The following SIAE variants were observed in gnomAD, a reference collection of about 807,000 sequenced individuals.
SIAE encodes sialic acid acetylesterase.
Under a neutral mutation model 52.6 loss-of-function variants are expected in SIAE, and 39 were observed. The ratio of observed to expected loss-of-function variants is 0.74; its 90% CI spans 0.57 to 0.97. SIAE has a LOEUF of 0.97. SIAE is among the 50% of genes least tolerant of loss of function. The pLI, the probability that SIAE is intolerant of heterozygous loss-of-function variation, is 0.00. For missense variants in SIAE, 592 were observed against 662.1 expected (o/e 0.89, Z 1.16); for synonymous variants, 233 against 241.4 (o/e 0.97, Z 0.32).
chr11:124,648,182 T>C lies in SIAE; in HGVS notation c.723-7A>G. ...AGAATCGTATGGAATGGACCTGAAA[T>C]CATATGATGCACAAGTGTCACCAGA... On this transcript the variant is annotated splice_region_variant and splice_polypyrimidine_tract_variant and intron_variant, in intron 5 of 9. Coordinates refer to ENST00000263593, the MANE Select transcript of SIAE (RefSeq NM_170601.5). 6.2e-7 allele frequency: 1 copy of C among 1,605,430 alleles called. No homozygotes were observed. Among genetic ancestry groups the C allele is most frequent in the Non-Finnish European group, 8.5e-7 (1 of 1,172,278 alleles).
At chr11:124,644,292 C>CA (rs1456862111) in intron 7 of SIAE, among the ~76,000 whole-genome samples, 1 of 146,492 alleles carries the variant, frequency 6.8e-6, no homozygotes, top group Non-Finnish European at 1.5e-5. Flanking sequence ...GAACCATGTG[C>CA]ACCAGCCAGG....
chr11:124,672,701 G>T (rs575527685), intron 1 of SIAE, among the ~76,000 whole-genome samples: 34 of 152,222 alleles, frequency 2.2e-4, no homozygotes, highest in Non-Finnish European at 4.1e-4. Context: ...TCAGGAAATG[G>T]CATACAGAGT....
intron 5 of SIAE, 69 bp downstream of exon 5, chr11:124,649,550 G>T: frequency 1.3e-6 from 2 of 1,547,522 alleles, no homozygotes; most frequent in Non-Finnish European, 1.8e-6. Context: ...TCCCCACAGA[G>T]GACGATGACC....
chr11:124,644,255 C>A lies in SIAE; in HGVS notation c.966+3110G>T, dbSNP rs564894636. Among the ~76,000 whole-genome samples the A allele has an allele frequency of 2.0e-5, 3 of 150,634 alleles. No individual in the cohort carries two copies. In the South Asian group the frequency reaches 6.4e-4, roughly 32 times the overall value. On this transcript the variant is annotated intron_variant, in intron 7 of 9. Coordinates refer to ENST00000263593, the MANE Select transcript of SIAE (RefSeq NM_170601.5). ...ATAAAAAATCTATTAAGTCACCCTA[C>A]TTCTTCCACACCCAGAAGACAAAGT... is the stretch of plus-strand genomic sequence containing the variant.
At chr11:124,637,613 A>C (rs77588928) in intron 9 of SIAE, among the ~76,000 whole-genome samples, 2,595 of 152,328 alleles carry the variant, frequency 0.017, 39 homozygotes, top group Middle Eastern at 0.041. Context: ...AGAATGAAGA[A>C]GGGGCATAAG....
rs758565892 is a variant in SIAE at position 124,673,625 on chromosome 11, G to T, written c.67+17C>A. Reference sequence around the variant, plus strand: ...CAGGCTGAGGGGCAGGGGTCCGGCCGAGCCGGGCCGCCTCACCTGCACTTC... The same window carrying T: ...CAGGCTGAGGGGCAGGGGTCCGGCCTAGCCGGGCCGCCTCACCTGCACTTC... On this transcript the variant is annotated intron_variant, in intron 1 of 9. Coordinates refer to ENST00000263593, the MANE Select transcript of SIAE (RefSeq NM_170601.5). 4 of 1,611,544 alleles carry T rather than the reference G, an allele frequency of 2.5e-6. No homozygotes were observed. Among genetic ancestry groups the T allele is most frequent in the Admixed American group, 1.7e-5 (1 of 59,900 alleles).
intron 1 of SIAE, among the ~76,000 whole-genome samples, chr11:124,673,136 G>A (rs1943394867): frequency 6.6e-6 from 1 of 152,088 alleles, no homozygotes; most frequent in Non-Finnish European, 1.5e-5. Flanking sequence ...GCTAGTGAGG[G>A]GGTTGTATTT....
chr11:124,672,879 T>C (rs867364728), intron 1 of SIAE, among the ~76,000 whole-genome samples: 12 of 152,200 alleles, frequency 7.9e-5, no homozygotes, highest in Admixed American at 6.5e-4. Flanking sequence ...GGTCCACTCT[T>C]TGAGTGTTTT....
intron 2 of SIAE, among the ~76,000 whole-genome samples, chr11:124,664,623 C>T (rs571275173): frequency 1.2e-4 from 19 of 152,222 alleles, no homozygotes; most frequent in African/African-American, 4.6e-4. Context: ...CTCTCCACCT[C>T]CCAATTAACT....
intron 4 of SIAE, among the ~76,000 whole-genome samples, chr11:124,650,296 C>T (rs1435181667): frequency 6.6e-6 from 1 of 152,106 alleles, no homozygotes; most frequent in African/African-American, 2.4e-5. Context: ...CAATGCTCTC[C>T]CTCAAATAGG....
At chr11:124,665,361 C>A (rs1243205947) in intron 2 of SIAE, among the ~76,000 whole-genome samples, 1 of 152,196 alleles carries the variant, frequency 6.6e-6, no homozygotes, top group Non-Finnish European at 1.5e-5. Flanking sequence ...AAGGTGAGCT[C>A]TTTCAAAGAA....
chr11:124,635,640 C>T lies in SIAE; in HGVS notation c.*1311G>A, dbSNP rs891958909. ...TATCTAAACCATATTTTTTACACTA[C>T]GTAAAATACATTGTATATGTACAGT... On this transcript the variant is annotated 3_prime_UTR_variant, in exon 10 of 10. Coordinates refer to ENST00000263593, the MANE Select transcript of SIAE (RefSeq NM_170601.5). The T allele has an allele frequency of 3.9e-5, 6 of 152,118 alleles. No individual in the cohort carries two copies. The highest frequency in any genetic ancestry group is 9.7e-5 in the African/African-American group (4 of 41,432). 9.4% of individuals were successfully genotyped at this position (152,118 alleles called of 1,614,324 possible). A position where few individuals can be genotyped will look rare whatever the true frequency, so the allele number is the denominator to read the frequency against.
intron 9 of SIAE, 152 bp from the exon 10 acceptor site, chr11:124,637,354 C>T: frequency 1.0e-6 from 1 of 990,818 alleles, no homozygotes; most frequent in South Asian, 1.3e-5. Flanking sequence ...CCTGAGCCCA[C>T]TTTGGATCTA....
chr11:124,639,827 A>C lies in SIAE; in HGVS notation c.1007T>G (p.Phe336Cys), dbSNP rs761721194. The change falls in exon 8 of 10, where the codon TTT (phenylalanine) becomes TGT (cysteine). Residue 336 changes from phenylalanine (F) to cysteine (C), a missense_variant. Coordinates refer to ENST00000263593, the MANE Select transcript of SIAE (RefSeq NM_170601.5). ...DLSKKSSDDG[F>C]PQIRWHQTAD... The stretch of plus-strand genomic sequence containing the variant: ...TGTTTGATGCCAACGGATCTGGGGA[A>C]ATCCATCGTCTGAGCTCTTCTTAGA... 9.3e-6 allele frequency: 15 copies of C among 1,614,234 alleles called. No individual in the cohort carries two copies. In the South Asian group the frequency reaches 1.5e-4, roughly 17 times the overall value.
chr11:124,669,775 A>G (rs1943323370), intron 1 of SIAE, among the ~76,000 whole-genome samples: 1 of 152,236 alleles, frequency 6.6e-6, no homozygotes, highest in South Asian at 2.1e-4. Flanking sequence ...CAACCAATGG[A>G]CCATAGTCTT....
intron 7 of SIAE, among the ~76,000 whole-genome samples, chr11:124,646,334 G>A (rs1439757449): frequency 6.6e-6 from 1 of 152,158 alleles, no homozygotes; most frequent in Non-Finnish European, 1.5e-5. Context: ...TGTTAAGTGT[G>A]ACCCAGGAAA....
intron 7 of SIAE, among the ~76,000 whole-genome samples, chr11:124,644,058 C>T (rs188967785): frequency 9.7e-4 from 147 of 152,200 alleles, no homozygotes; most frequent in Non-Finnish European, 1.9e-4. Context: ...CAGGAGTACA[C>T]GGAGAGGTTG....
chr11:124,674,441 A>G (rs570671933), upstream of SIAE: 1 of 152,216 alleles, frequency 6.6e-6, no homozygotes, highest in East Asian at 1.9e-4. Flanking sequence ...GACCCCTACC[A>G]CGGCCTCCGC....
At position 124,637,215 on chromosome 11, in the gene SIAE, C is replaced by T. The variant is rs756821541; in HGVS notation, c.1321-13G>A. 6.2e-7 allele frequency: 1 copy of T among 1,613,964 alleles called. No homozygotes were observed. Among genetic ancestry groups the T allele is most frequent in the East Asian group, 2.2e-5 (1 of 44,870 alleles). ...TGCAACAGGAGATCTAATAAGAGAGCCATAAAATAGGAATGATTAGGTCAG... is the reference window on the plus strand; with the variant it reads ...TGCAACAGGAGATCTAATAAGAGAGTCATAAAATAGGAATGATTAGGTCAG... On this transcript the variant is annotated splice_polypyrimidine_tract_variant and intron_variant, in intron 9 of 9. Transcript: ENST00000263593.
Sources: allele counts gnomAD v4.1 joint callset (sites outside exome capture counted in the v4.1 genomes callset), GRCh38; gene constraint gnomAD v4.1.1; transcripts MANE v1.5; gene names NCBI Gene and HGNC (gene_info 2026-07-23, HGNC 2026-07-21).